SGO2: variants seen among roughly 807,000 people sequenced by gnomAD.
The protein encoded by SGO2 is shugoshin-like 2.
SGO2 carries 68 observed loss-of-function variants against 99.5 expected under a neutral mutation model. The observed-to-expected ratio is 0.68, with a 90% confidence interval of 0.56 to 0.84. The LOEUF is 0.84. Among genes scored for constraint, SGO2 ranks in the 40% least tolerant of loss-of-function variants. SGO2 has a pLI of 0.00. For missense variants in SGO2, 1,350 were observed against 1,436.7 expected, an observed-to-expected ratio of 0.94 and a Z score of 0.97; for synonymous variants, 457 against 487.1, an observed-to-expected ratio of 0.94 and a Z score of 0.81.
intron 5 of SGO2, among the ~76,000 whole-genome samples, chr2:200,546,013 G>A (rs1285316591): frequency 6.6e-6 from 1 of 152,146 alleles, no homozygotes; most frequent in Non-Finnish European, 1.5e-5. Flanking sequence ...TCCCCTGGGT[G>A]TGAACTCCTA....
rs149397092 is a variant in SGO2, at chr2:200,555,213, T to C, written c.473+12549T>C. On this transcript the variant is annotated intron_variant, in intron 5 of 8. Coordinates refer to ENST00000357799, the MANE Select transcript of SGO2 (RefSeq NM_152524.6). ...TAAAAGGCATTACACTTTTTACTTT[T>C]CTGACAAAATGTTTTATTTAAGCGC... Among the ~76,000 whole-genome samples the C allele has an allele frequency of 1.1e-3, 172 of 152,314 alleles. 1 individual carries two copies. Among genetic ancestry groups the C allele is most frequent in the African/African-American group, 4.0e-3 (165 of 41,564 alleles).
chr2:200,560,895 T>A (rs73044153), intron 5 of SGO2, among the ~76,000 whole-genome samples: 2 of 152,092 alleles, frequency 1.3e-5, no homozygotes, highest in Non-Finnish European at 2.9e-5. Flanking sequence ...TAATTATGAA[T>A]TTAATTTTTA....
intron 5 of SGO2, among the ~76,000 whole-genome samples, chr2:200,560,648 TA>T (rs1262778089): frequency 3.9e-5 from 6 of 152,180 alleles, no homozygotes; most frequent in African/African-American, 1.2e-4. Flanking sequence ...TCTTTCTATA[TA>T]TTGCTGGGTT....
chr2:200,573,431 GA>G lies in SGO2; in HGVS notation c.3087del (p.Ala1030GlnfsTer22). On this transcript the variant is annotated frameshift_variant, in exon 7 of 9. Coordinates refer to ENST00000357799, the MANE Select transcript of SGO2 (RefSeq NM_152524.6). LOFTEE classifies it high-confidence loss of function. ...ATCTGATTTAAAACATATTACTAGT[GA>G]AGCAGATTCTGATCCAGGAAACCCA... ...LESDLKHITSEADSDPGNPVE... is the reference protein window; with the variant it reads ...LESDLKHITSXADSDPGNPVE... 1 of 1,608,702 alleles carries G rather than the reference GA, an allele frequency of 6.2e-7. No individual in the cohort carries two copies. Among genetic ancestry groups the G allele is most frequent in the Non-Finnish European group, 8.5e-7 (1 of 1,178,388 alleles).
intron 5 of SGO2, among the ~76,000 whole-genome samples, chr2:200,546,353 GAAAAAAAAAAAAAA>G (rs772361302): frequency 1.7e-4 from 7 of 42,260 alleles, no homozygotes; most frequent in African/African-American, 4.1e-4. Context: ...ACTCCATCTG[GAAAAAAAAAAAAAA>G]AAAAAAAAAA....
chr2:200,580,694 C>T (rs1166434034), intron 8 of SGO2, among the ~76,000 whole-genome samples: 3 of 152,026 alleles, frequency 2.0e-5, no homozygotes, highest in Admixed American at 6.6e-5. Context: ...CAGCCAGGCA[C>T]ATTGGCATGT....
At chr2:200,568,838 A>G (rs1336263322) in intron 5 of SGO2, among the ~76,000 whole-genome samples, 2 of 152,088 alleles carry the variant, frequency 1.3e-5, no homozygotes, top group Admixed American at 6.6e-5. Flanking sequence ...TCCAGAATTT[A>G]TAGTCATTAT....
At chr2:200,550,208 A>G (rs1368214243) in intron 5 of SGO2, among the ~76,000 whole-genome samples, 1 of 152,192 alleles carries the variant, frequency 6.6e-6, no homozygotes, top group Admixed American at 6.5e-5. Context: ...TAGGACACCA[A>G]AAAAGGGAAG....
chr2:200,527,885 G>A (rs569909263), intron 1 of SGO2, among the ~76,000 whole-genome samples: 26 of 152,178 alleles, frequency 1.7e-4, no homozygotes, highest in Non-Finnish European at 2.5e-4. Flanking sequence ...GGAGAATGGG[G>A]GTAAGTGTGC....
In SGO2 at chr2:200,573,723, A is replaced by G. The variant is rs1331016783; in HGVS notation, c.3377A>G (p.Lys1126Arg). The G allele has an allele frequency of 2.5e-6, 4 of 1,612,630 alleles. No homozygotes were observed. Among genetic ancestry groups the G allele is most frequent in the South Asian group, 1.1e-5 (1 of 90,740 alleles). The change falls in exon 7 of 9, where the codon AAA becomes AGA. Residue 1126 changes from lysine to arginine, a missense_variant. Lys to Arg is a conservative substitution (Grantham distance 26). Transcript: ENST00000357799. ...ENNLENEKMV[K>R]NKPDFYTKAF... ...AATTTGGAGAATGAGAAAATGGTCA[A>G]AAATAAGCCAGACTTTTACACAAAG...
intron 5 of SGO2, among the ~76,000 whole-genome samples, chr2:200,561,538 T>C (rs570700524): frequency 1.8e-4 from 27 of 152,322 alleles, no homozygotes; most frequent in African/African-American, 6.5e-4. Flanking sequence ...TGTGTCTTTA[T>C]AGCAGCATGA....
chr2:200,572,654 T>C lies in SGO2; in HGVS notation c.2308T>C (p.Ser770Pro). 6.2e-7 allele frequency: 1 copy of C among 1,612,076 alleles called. No homozygotes were observed. The highest frequency in any genetic ancestry group is 8.5e-7 in the Non-Finnish European group (1 of 1,179,232). Residue 770 changes from serine (S) to proline (P), a missense_variant, in exon 7 of 9, where the codon TCT becomes CCT. Ser to Pro is a moderately conservative substitution (Grantham distance 74). Transcript: ENST00000357799. ...AAGTGAGTTTGAAACACCTGCTCTT[T>C]CTACCAAAGATAGTGGAAACCTGTA... ...DPSEFETPAL[S>P]TKDSGNLYDS...
In SGO2 at chr2:200,552,251, G is replaced by C. The variant is rs374495322; in HGVS notation, c.473+9587G>C. Among the ~76,000 whole-genome samples the C allele has an allele frequency of 1.5e-3, 232 of 152,070 alleles. 1 individual carries two copies. The highest frequency in any genetic ancestry group is 5.3e-3 in the African/African-American group (218 of 41,488). ...AATATATTTTTTGAGATAGGGTCTT[G>C]CTATGTTGTCCAGGCTAGATTCAAA... On this transcript the variant is annotated intron_variant, in intron 5 of 8. Transcript: ENST00000357799.
chr2:200,540,009 A>ATTTAT (rs1324066392), intron 4 of SGO2, among the ~76,000 whole-genome samples: 2 of 150,194 alleles, frequency 1.3e-5, no homozygotes, highest in Non-Finnish European at 3.0e-5. Flanking sequence ...AGCCCATTTA[A>ATTTAT]TTTATTTTAT....
intron 8 of SGO2, among the ~76,000 whole-genome samples, chr2:200,583,054 C>A (rs2033891925): frequency 6.6e-6 from 1 of 152,036 alleles, no homozygotes; most frequent in Non-Finnish European, 1.5e-5. Flanking sequence ...GGGTTGTGAT[C>A]AGAAAGGGGC....
At chr2:200,551,317 T>C (rs2032475610) in intron 5 of SGO2, among the ~76,000 whole-genome samples, 1 of 152,090 alleles carries the variant, frequency 6.6e-6, no homozygotes, top group Non-Finnish European at 1.5e-5. Context: ...AATCCTGTTA[T>C]TTGCAGCAAC....
At position 200,571,800 on chromosome 2, in the gene SGO2, A is replaced by G. The variant is rs1476392229; in HGVS notation, c.1454A>G (p.Glu485Gly). 6.2e-7 allele frequency: 1 copy of G among 1,613,584 alleles called. No individual in the cohort carries two copies. The highest frequency in any genetic ancestry group is 1.7e-5 in the Admixed American group (1 of 59,988). ...LQTGFEQGDRENVLCNKKEKR... is the reference protein window; with the variant it reads ...LQTGFEQGDRGNVLCNKKEKR... ...ACTGGCTTTGAACAAGGTGACAGAGAAAATGTACTGTGTAATAAAAAGGAG... is the reference window on the plus strand; with the variant it reads ...ACTGGCTTTGAACAAGGTGACAGAGGAAATGTACTGTGTAATAAAAAGGAG... The change falls in exon 7 of 9, where the codon GAA becomes GGA. Residue 485 changes from glutamate (E) to glycine (G), a missense_variant. By Grantham distance (98) the Glu-to-Gly change is moderately conservative. Transcript: ENST00000357799.
At chr2:200,532,284 GTTTT>G in intron 1 of SGO2, 1 of 153,692 alleles carries the variant, frequency 6.5e-6, no homozygotes, top group Non-Finnish European at 9.9e-6. Flanking sequence ...TTTTTTTTTT[GTTTT>G]TTTTTTTTTT....
rs1372489146 is a variant in SGO2 at position 200,571,851 on chromosome 2, A to G, written c.1505A>G (p.Glu502Gly). Residue 502 changes from glutamate (E) to glycine (G), a missense_variant, in exon 7 of 9, where the codon GAA becomes GGA. By Grantham distance (98) the Glu-to-Gly change is moderately conservative. Coordinates refer to ENST00000357799, the MANE Select transcript of SGO2 (RefSeq NM_152524.6). ...AAAAGAATAACAAATGAGCAAGAGG[A>G]AACATACTCTTTATCCCAAAGTTCA... ...KEKRITNEQE[E>G]TYSLSQSSGK... 6.2e-7 allele frequency: 1 copy of G among 1,613,560 alleles called. No homozygotes were observed. The highest frequency in any genetic ancestry group is 8.5e-7 in the Non-Finnish European group (1 of 1,179,632).
Sources: gnomAD v4.1 joint callset for allele counts (sites outside exome capture counted in the v4.1 genomes callset) on GRCh38, gnomAD v4.1.1 for gene constraint, MANE v1.5 for transcripts, NCBI Gene and HGNC (gene_info 2026-07-23, HGNC 2026-07-21) for gene names.